TTI1: variants seen among roughly 807,000 people sequenced by gnomAD.
TTI1 encodes TELO2-interacting protein 1 homolog.
Under a neutral mutation model 85.4 loss-of-function variants are expected in TTI1, and 52 were observed. The ratio of observed to expected loss-of-function variants is 0.61; its 90% CI spans 0.49 to 0.77. The LOEUF (loss-of-function observed/expected upper bound fraction) is 0.77. TTI1 is among the 30% of genes least tolerant of loss of function. The pLI is 0.00. For synonymous variants in TTI1, 512 were observed against 503.9 expected (o/e 1.02, Z -0.22); for missense variants, 1,173 against 1,296.0 (o/e 0.91, Z 1.46).
intron 1 of TTI1, among the ~76,000 whole-genome samples, chr20:38,026,153 CA>C (rs1358082893): frequency 8.6e-5 from 13 of 151,978 alleles, no homozygotes; most frequent in Admixed American, 8.5e-4. Flanking sequence ...ACCTTGTCTA[CA>C]GGGAAGAAAC....
chr20:38,014,264 T>C lies in TTI1; in HGVS notation c.-41-407A>G, dbSNP rs188502705. On this transcript the variant is annotated intron_variant, in intron 1 of 7. Coordinates refer to ENST00000373447, the MANE Select transcript of TTI1 (RefSeq NM_001303457.2). The stretch of plus-strand genomic sequence containing the variant: ...TCTTTTTAAAACTGAGGTATACATA[T>C]AGTAAAATGCACTATCTTAATGTAC... Among the ~76,000 whole-genome samples the C allele has an allele frequency of 2.6e-4, 39 of 152,348 alleles. No individual in the cohort carries two copies. In the East Asian group the frequency reaches 4.1e-3, roughly 16 times the overall value.
chr20:37,995,176 G>A (rs1382413295), intron 7 of TTI1, among the ~76,000 whole-genome samples: 1 of 152,230 alleles, frequency 6.6e-6, no homozygotes, highest in African/African-American at 2.4e-5. Flanking sequence ...TGCTTAGGAT[G>A]CGCCCCTGTG....
rs1421989433 is a variant in TTI1 at position 38,020,309 on chromosome 20, TGAA to T, written c.-41-6455_-41-6453del. Among the ~76,000 whole-genome samples, 40 of 46,696 alleles carry T rather than the reference TGAA, an allele frequency of 8.6e-4. 1 individual carries two copies. Among genetic ancestry groups the T allele is most frequent in the African/African-American group, 1.3e-3 (17 of 13,380 alleles). 30.6% of individuals were successfully genotyped at this position (46,696 alleles called of 152,430 possible). A position where few individuals can be genotyped will look rare whatever the true frequency, so the allele number is the denominator to read the frequency against. ...GTGCTATGTCACTTGGCTACTCATA[TGAA>T]AAAAAAAAAAAATATATATATATAT... On this transcript the variant is annotated intron_variant, in intron 1 of 7. Coordinates refer to ENST00000373447, the MANE Select transcript of TTI1 (RefSeq NM_001303457.2).
chr20:38,031,141 G>T (rs138945639), intron 1 of TTI1, among the ~76,000 whole-genome samples: 14 of 152,216 alleles, frequency 9.2e-5, no homozygotes, highest in Non-Finnish European at 1.0e-4. Flanking sequence ...CTGCCAAACT[G>T]GTCCTTCCTG....
In TTI1 at chr20:38,021,983, C is replaced by T. The variant is rs186833254; in HGVS notation, c.-41-8126G>A. ...AAGGAATTTGGAAACAGAATGAATA[C>T]GAACAAGGAAGAGGGAGAAGGATCT... is the stretch of plus-strand genomic sequence containing the variant. On this transcript the variant is annotated intron_variant, in intron 1 of 7. Coordinates refer to ENST00000373447, the MANE Select transcript of TTI1 (RefSeq NM_001303457.2). Among the ~76,000 whole-genome samples, 14 of 152,246 alleles carry T rather than the reference C, an allele frequency of 9.2e-5. No homozygotes were observed. The East Asian group carries it at 9.6e-4, about 10-fold the overall frequency.
rs373282521 is a variant in TTI1 at position 38,013,067 on chromosome 20, T to C, written c.750A>G (p.Glu250=). 2.7e-5 allele frequency: 44 copies of C among 1,614,096 alleles called. No individual in the cohort carries two copies. Among genetic ancestry groups the C allele is most frequent in the Admixed American group, 1.3e-4 (8 of 60,004 alleles). Residue 250 remains glutamate, a synonymous_variant, in exon 2 of 8, where the codon GAA becomes GAG. Transcript: ENST00000373447. ...GGACCTTTGAGATTCTTTTGAGCTG[T>C]TCATCAGCCATAATGAAGCTCACTG... The part of the protein sequence containing the change: ...YKTVSFIMAD[E]QLKRISKVQA...
chr20:38,006,179 C>A lies in TTI1; in HGVS notation c.2503+18G>T. On this transcript the variant is annotated intron_variant, in intron 3 of 7. Coordinates refer to ENST00000373447, the MANE Select transcript of TTI1 (RefSeq NM_001303457.2). ...TTTCAGAAAGAAAAAACCAGCTAAGCCAAAATAAACAAGTTACCTTCTTCA... is the reference window on the plus strand; with the variant it reads ...TTTCAGAAAGAAAAAACCAGCTAAGACAAAATAAACAAGTTACCTTCTTCA... The A allele has an allele frequency of 6.2e-7, 1 of 1,613,404 alleles. No homozygotes were observed. Among genetic ancestry groups the A allele is most frequent in the Non-Finnish European group, 8.5e-7 (1 of 1,179,580 alleles).
chr20:38,029,437 T>C (rs1238678338), intron 1 of TTI1, among the ~76,000 whole-genome samples: 2 of 150,840 alleles, frequency 1.3e-5, no homozygotes, highest in South Asian at 2.1e-4. Flanking sequence ...GCAGAAGAAA[T>C]AATAAGGAGC....
intron 1 of TTI1, among the ~76,000 whole-genome samples, chr20:38,032,757 C>G (rs1358392278): frequency 6.6e-6 from 1 of 152,104 alleles, no homozygotes; most frequent in African/African-American, 2.4e-5. Context: ...GTTACCCAGG[C>G]TGGTCTTGAA....
Position 38,013,389 on chromosome 20 carries a change from TAA to T in TTI1, c.426_427del (p.Phe142LeufsTer2). On this transcript the variant is annotated frameshift_variant, in exon 2 of 8. Transcript: ENST00000373447. LOFTEE classifies it high-confidence loss of function. ...TAAACGTGGCAGAATGGAGGGCTCA[TAA>T]AAAGTCAGAATGATGTCCCCATAAG... The T allele has an allele frequency of 1.2e-6, 2 of 1,614,050 alleles. No homozygotes were observed. The highest frequency in any genetic ancestry group is 1.7e-6 in the Non-Finnish European group (2 of 1,180,026).
At position 37,999,274 on chromosome 20, in the gene TTI1, G is replaced by T; in HGVS notation, c.2707C>A (p.Leu903Met). The T allele has an allele frequency of 6.6e-7, 1 of 1,526,086 alleles. No homozygotes were observed. Among genetic ancestry groups the T allele is most frequent in the Non-Finnish European group, 8.8e-7 (1 of 1,134,406 alleles). 94.5% of individuals were successfully genotyped at this position (1,526,086 alleles called of 1,614,324 possible). A position where few individuals can be genotyped will look rare whatever the true frequency, so the allele number is the denominator to read the frequency against. ...VVVLQSHKNQ[L>M]LPLAHQAWPS... ...CAGGCCTGATGAGCCAAGGGAAGCA[G>T]CTGGTTTTTGTGGGACTGAAGAACA... Residue 903 changes from leucine (L) to methionine (M), a missense_variant, in exon 5 of 8, where the codon CTG becomes ATG. Physicochemically the swap from Leu to Met is conservative, Grantham distance 15 (BLOSUM62 2). Transcript: ENST00000373447.
chr20:38,017,143 G>A (rs1449145451), intron 1 of TTI1, among the ~76,000 whole-genome samples: 5 of 152,144 alleles, frequency 3.3e-5, no homozygotes, highest in African/African-American at 1.2e-4. Flanking sequence ...TAGACTAGAG[G>A]CTCTGAGAGG....
rs77351415 is a variant in TTI1 at position 38,009,249 on chromosome 20, T to C, written c.2302+2266A>G. Among the ~76,000 whole-genome samples the C allele has an allele frequency of 7.9e-3, 1,198 of 152,322 alleles. 15 individuals carry two copies. Among genetic ancestry groups the C allele is most frequent in the African/African-American group, 0.026 (1,064 of 41,558 alleles). Reference sequence around the variant, plus strand: ...GTCTGCATAAGCAACCAGTCAGTCCTATGAGGGGCTCCACGAGGGCAGGCC... The same window carrying C: ...GTCTGCATAAGCAACCAGTCAGTCCCATGAGGGGCTCCACGAGGGCAGGCC... On this transcript the variant is annotated intron_variant, in intron 2 of 7. Transcript: ENST00000373447.
rs192841517 is a variant in TTI1 at position 38,006,479 on chromosome 20, C to T, written c.2303-82G>A. The T allele has an allele frequency of 2.4e-4, 348 of 1,470,566 alleles. 1 individual carries two copies. The African/African-American group carries it at 4.3e-3, about 18-fold the overall frequency. 91.1% of individuals were successfully genotyped at this position (1,470,566 alleles called of 1,614,324 possible). ...TTATACACAGAATAAGCTCTCTGCC[C>T]TGGCCTGCACAGCCCCCACATGATT... On this transcript the variant is annotated intron_variant, in intron 2 of 7. Transcript: ENST00000373447.
chr20:38,002,493 T>G (rs921854626), intron 4 of TTI1, 135 bp downstream of exon 4: 25 of 1,158,150 alleles, frequency 2.2e-5, no homozygotes, highest in Non-Finnish European at 3.0e-5. Flanking sequence ...AAATTCCTTT[T>G]GATGCCTTCT....
chr20:38,032,370 C>T (rs914438391), intron 1 of TTI1, among the ~76,000 whole-genome samples: 1 of 152,182 alleles, frequency 6.6e-6, no homozygotes, highest in African/African-American at 2.4e-5. Flanking sequence ...AGAGCAAAAG[C>T]AGGCATCAAC....
chr20:38,007,669 A>G (rs968274273), intron 2 of TTI1, among the ~76,000 whole-genome samples: 2 of 152,212 alleles, frequency 1.3e-5, no homozygotes, highest in Admixed American at 6.5e-5. Flanking sequence ...GACAGCTGGG[A>G]AAAAAACTCT....
rs772323873 is a variant in TTI1 at position 38,006,284 on chromosome 20, C to T, written c.2416G>A (p.Ala806Thr). ...AGCAAAAACTGTTCGATGTCTTCAG[C>T]TGTGGTGGTGCTCTTCTCAAGAGCT... ...PAALEKSTTT[A>T]EDIEQFLLNY... The change falls in exon 3 of 8, where the codon GCT becomes ACT. Residue 806 changes from alanine (A) to threonine (T), a missense_variant. Ala to Thr is a moderately conservative substitution (Grantham distance 58, BLOSUM62 0). Transcript: ENST00000373447. The T allele has an allele frequency of 1.1e-5, 18 of 1,614,080 alleles. No individual in the cohort carries two copies. Among genetic ancestry groups the T allele is most frequent in the Non-Finnish European group, 1.2e-5 (14 of 1,180,044 alleles).
chr20:37,993,192 C>T (rs1295352046), intron 7 of TTI1, among the ~76,000 whole-genome samples: 1 of 147,104 alleles, frequency 6.8e-6, no homozygotes, highest in Non-Finnish European at 1.5e-5. Flanking sequence ...CTGCCCCCAC[C>T]ATCCCCTGCC....
Sources: allele counts gnomAD v4.1 joint callset (sites outside exome capture counted in the v4.1 genomes callset), GRCh38; gene constraint gnomAD v4.1.1; transcripts MANE v1.5; gene names NCBI Gene and HGNC (gene_info 2026-07-23, HGNC 2026-07-21).